TAOK3: variants seen among roughly 807,000 people sequenced by gnomAD.
TAOK3 encodes the protein serine/threonine-protein kinase TAO3.
TAOK3 carries 40 observed loss-of-function variants against 120.4 expected under a neutral mutation model. That is an observed-to-expected ratio of 0.33 (90% CI 0.26 to 0.43). TAOK3 has a LOEUF of 0.43. Among genes scored for constraint, TAOK3 ranks in the 20% least tolerant of loss-of-function variants. The pLI is 1.00. For synonymous variants in TAOK3, 355 were observed against 387.5 expected, an observed-to-expected ratio of 0.92 and a Z score of 0.99; for missense variants, 821 against 1,112.1, an observed-to-expected ratio of 0.74 and a Z score of 3.72.
chr12:118,150,811 G>T lies in TAOK3; in HGVS notation c.*186C>A. 1 of 618,970 alleles carries T rather than the reference G, an allele frequency of 1.6e-6. No individual in the cohort carries two copies. The highest frequency in any genetic ancestry group is 2.8e-5 in the East Asian group (1 of 35,310). The allele number at this position is 618,970 out of a possible 1,614,324, so 38.3% of individuals were successfully genotyped here. On this transcript the variant is annotated 3_prime_UTR_variant, in exon 21 of 21. Transcript: ENST00000392533. Reference sequence around the variant, plus strand: ...GCCAGCACTGAAAGTTGACACGGGGGGAGGAAGGGGGCCCCTGATGGAGTA... The same window carrying T: ...GCCAGCACTGAAAGTTGACACGGGGTGAGGAAGGGGGCCCCTGATGGAGTA...
chr12:118,199,853 A>G (rs1303329908), intron 12 of TAOK3: 1 of 154,308 alleles, frequency 6.5e-6, no homozygotes, highest in African/African-American at 2.4e-5. Context: ...CTTATTATAT[A>G]TATCTGTTAA....
chr12:118,174,705 C>T (rs1021063711), intron 16 of TAOK3, among the ~76,000 whole-genome samples: 4 of 152,098 alleles, frequency 2.6e-5, no homozygotes, highest in African/African-American at 4.8e-5. Context: ...CTCTGTTGCC[C>T]AGGCTGGAGT....
intron 1 of TAOK3, among the ~76,000 whole-genome samples, chr12:118,280,306 C>A (rs1056092366): frequency 1.3e-5 from 2 of 152,206 alleles, no homozygotes; most frequent in Non-Finnish European, 2.9e-5. Context: ...AGTGACCCAC[C>A]TGCCTCAGCC....
At chr12:118,297,057 G>A (rs1252576267) in intron 1 of TAOK3, 2 of 152,174 alleles carry the variant, frequency 1.3e-5, no homozygotes, top group African/African-American at 4.8e-5. Flanking sequence ...CCGGTCCTGA[G>A]TTTGCTGCTC....
intron 9 of TAOK3, among the ~76,000 whole-genome samples, chr12:118,222,547 A>C (rs1049598337): frequency 2.0e-5 from 3 of 152,072 alleles, no homozygotes; most frequent in African/African-American, 7.2e-5. Flanking sequence ...AAAAAAAAGA[A>C]AGAAAGAAAA....
rs2035122816 is a variant in TAOK3, at chr12:118,160,147, G to A, written c.2351C>T (p.Ala784Val). 2 of 1,613,138 alleles carry A rather than the reference G, an allele frequency of 1.2e-6. No individual in the cohort carries two copies. The highest frequency in any genetic ancestry group is 1.7e-6 in the Non-Finnish European group (2 of 1,179,136). The change falls in exon 19 of 21, where the codon GCG becomes GTG. Residue 784 changes from alanine (A) to valine (V), a missense_variant and splice_region_variant. This residue lies in a region of TAOK3 where 354 missense variants were observed against 572.1 expected (regional missense o/e 0.62). Transcript: ENST00000392533. This position sits in a 1 kb window ranked among gnomAD's most constrained non-coding sequence, Gnocchi z 4.2. Reference sequence around the variant, plus strand: ...GTGGCACCAAACCTAACCACTTACCGCTTGAGAGGCCATCATTTCATTTAT... The same window carrying A: ...GTGGCACCAAACCTAACCACTTACCACTTGAGAGGCCATCATTTCATTTAT... ...QSINEMMASQ[A>V]LRLDEAQEAE...
chr12:118,208,100 C>T (rs569666963), intron 11 of TAOK3, among the ~76,000 whole-genome samples: 19 of 152,146 alleles, frequency 1.2e-4, no homozygotes, highest in South Asian at 1.0e-3. Flanking sequence ...AGTATGCATA[C>T]GTTTTTCCTG....
chr12:118,166,952 T>G (rs1458589426), intron 17 of TAOK3, among the ~76,000 whole-genome samples: 1 of 152,074 alleles, frequency 6.6e-6, no homozygotes, highest in African/African-American at 2.4e-5. Flanking sequence ...TTTCAAGCAC[T>G]CTAACTTCTA....
intron 19 of TAOK3, chr12:118,152,646 G>A (rs2034534477): frequency 2.2e-6 from 1 of 456,084 alleles, no homozygotes; most frequent in African/African-American, 1.9e-5. Flanking sequence ...ACAGCAGCAG[G>A]CGTCAGGAAG....
At chr12:118,302,053 G>A (rs956951534) in intron 1 of TAOK3, among the ~76,000 whole-genome samples, 1 of 152,150 alleles carries the variant, frequency 6.6e-6, no homozygotes, top group Admixed American at 6.5e-5. Flanking sequence ...CACTTGTCCA[G>A]TATGGTGGGG....
intron 11 of TAOK3, among the ~76,000 whole-genome samples, chr12:118,202,636 T>C (rs1357132908): frequency 1.3e-5 from 2 of 152,134 alleles, no homozygotes; most frequent in African/African-American, 4.8e-5. Flanking sequence ...TATCTTTTCA[T>C]ATAAGAATTC....
At chr12:118,335,897 A>G (rs993675413) in intron 1 of TAOK3, among the ~76,000 whole-genome samples, 2 of 152,202 alleles carry the variant, frequency 1.3e-5, no homozygotes, top group Admixed American at 1.3e-4. Flanking sequence ...ATAAACTTTA[A>G]AAACATGTCT....
chr12:118,201,016 C>G (rs1182502688), intron 12 of TAOK3: 1 of 273,958 alleles, frequency 3.7e-6, no homozygotes, highest in Non-Finnish European at 6.9e-6. Context: ...CAGAAACTAC[C>G]CACATCATGT....
chr12:118,281,315 G>A (rs1310328374), intron 1 of TAOK3, among the ~76,000 whole-genome samples: 1 of 152,156 alleles, frequency 6.6e-6, no homozygotes, highest in African/African-American at 2.4e-5. Flanking sequence ...GATGTTGGTT[G>A]TGGGTTCGTC....
At chr12:118,333,752 A>G (rs1432575288) in intron 1 of TAOK3, among the ~76,000 whole-genome samples, 1 of 152,128 alleles carries the variant, frequency 6.6e-6, no homozygotes, top group East Asian at 1.9e-4. Flanking sequence ...TGACAAAAAT[A>G]AGGACAAAGG....
At chr12:118,291,424 G>A (rs913406525) in intron 1 of TAOK3, among the ~76,000 whole-genome samples, 11 of 152,018 alleles carry the variant, frequency 7.2e-5, no homozygotes, top group Non-Finnish European at 1.3e-4. Flanking sequence ...GCCTCCCAAA[G>A]TGCTGGGATT....
chr12:118,354,636 G>A (rs776772756), intron 1 of TAOK3, among the ~76,000 whole-genome samples: 1 of 152,098 alleles, frequency 6.6e-6, no homozygotes, highest in Non-Finnish European at 1.5e-5. Context: ...GGAGGAACTC[G>A]GTGGGAGGTG....
At chr12:118,217,865 T>C (rs1462694225) in intron 9 of TAOK3, among the ~76,000 whole-genome samples, 322 of 29,042 alleles carry the variant, frequency 0.011, 3 homozygotes, top group Non-Finnish European at 0.024. Context: ...ATATATACAC[T>C]TTTTTTTTTT....
intron 10 of TAOK3, among the ~76,000 whole-genome samples, 199 bp downstream of exon 10, chr12:118,213,818 T>A (rs984891179): frequency 1.2e-4 from 18 of 152,140 alleles, no homozygotes; most frequent in Non-Finnish European, 2.4e-4. Context: ...CAAGCCATGG[T>A]GAAGGCAAAA....
Sources: gnomAD v4.1 joint callset for allele counts (sites outside exome capture counted in the v4.1 genomes callset) on GRCh38, gnomAD v4.1.1 for gene constraint, gnomAD v4.1.1 regional missense constraint, Gnocchi (gnomAD v3.1) non-coding constraint, MANE v1.5 for transcripts, NCBI Gene and HGNC (gene_info 2026-07-23, HGNC 2026-07-21) for gene names.